The following ABCA1 variants were observed in gnomAD, a reference collection of about 807,000 sequenced individuals.
ABCA1 encodes the protein phospholipid-transporting ATPase ABCA1.
Under a neutral mutation model 262.5 loss-of-function variants are expected in ABCA1, and 133 were observed. That is an observed-to-expected ratio of 0.51 (90% confidence interval 0.44 to 0.59). ABCA1 has a LOEUF of 0.59. Among genes scored for constraint, ABCA1 ranks in the 20% least tolerant of loss-of-function variants. The probability of loss-of-function intolerance (pLI) is 0.00; values close to 1 mark genes in which losing one functional copy is unlikely to be tolerated. For synonymous variants in ABCA1, 1,022 were observed against 1,043.5 expected (o/e 0.98, Z 0.40); for missense variants, 2,452 against 2,777.5 (o/e 0.88, Z 2.63).
chr9:104,807,881 T>C (rs1564107139), intron 30 of ABCA1, among the ~76,000 whole-genome samples: 3 of 133,392 alleles, frequency 2.2e-5, no homozygotes, highest in Admixed American at 7.5e-5. Context: ...CACACATATA[T>C]ATATTATAAA....
At position 104,889,271 on chromosome 9, in the gene ABCA1, T is replaced by A; in HGVS notation, c.67-76A>T. 3 of 1,555,146 alleles carry A rather than the reference T, an allele frequency of 1.9e-6. No homozygotes were observed. In the South Asian group the frequency reaches 3.5e-5, roughly 18 times the overall value. ...TCCAATGCCACTGGGATCTGGGAAA[T>A]CCACAGACAACTTCATTTACTAATT... is the stretch of plus-strand genomic sequence containing the variant. On this transcript the variant is annotated intron_variant, in intron 2 of 49. Transcript: ENST00000374736.
chr9:104,797,053 C>A (rs1829961890), intron 37 of ABCA1, among the ~76,000 whole-genome samples: 2 of 152,204 alleles, frequency 1.3e-5, no homozygotes, highest in South Asian at 4.1e-4. Flanking sequence ...GACTACAGGG[C>A]TCTGCCTCAG....
intron 5 of ABCA1, among the ~76,000 whole-genome samples, chr9:104,868,220 G>A (rs556167172): frequency 1.1e-4 from 17 of 152,270 alleles, no homozygotes; most frequent in South Asian, 2.1e-4. Context: ...TTAGCCGGGT[G>A]TGGTGGCGCA....
Position 104,825,967 on chromosome 9 carries a change from G to C in ABCA1, c.2338-80C>G. ...ATCTCTTCTAGTGTAAATTATACCT[G>C]GAGAAATTTGAATTTGCAAAATGGA... is the stretch of plus-strand genomic sequence containing the variant. On this transcript the variant is annotated intron_variant, in intron 16 of 49. Transcript: ENST00000374736. 6.7e-6 allele frequency: 10 copies of C among 1,490,524 alleles called. No homozygotes were observed. The South Asian group carries it at 1.1e-4, about 16-fold the overall frequency. 92.3% of individuals were successfully genotyped at this position (1,490,524 alleles called of 1,614,324 possible). A position where few individuals can be genotyped will look rare whatever the true frequency, so the allele number is the denominator to read the frequency against.
chr9:104,818,823 A>G lies in ABCA1; in HGVS notation c.3302T>C (p.Ile1101Thr), dbSNP rs777265666. The G allele has an allele frequency of 6.8e-6, 11 of 1,613,960 alleles. No individual in the cohort carries two copies. The highest frequency in any genetic ancestry group is 1.3e-5 in the African/African-American group (1 of 74,916). ...MDEADVLGDR[I>T]AIISHGKLCC... ...CAGCTTCCCATGGGAGATGATGGCA[A>G]TCCTGTCCCCCAGGACGTCCGCTTC... is the stretch of plus-strand genomic sequence containing the variant. The change falls in exon 23 of 50, where the codon ATT becomes ACT. Residue 1101 changes from isoleucine to threonine, a missense_variant. Coordinates refer to ENST00000374736, the MANE Select transcript of ABCA1 (RefSeq NM_005502.4).
intron 5 of ABCA1, among the ~76,000 whole-genome samples, chr9:104,867,757 T>C (rs1362784690): frequency 1.3e-5 from 2 of 152,198 alleles, no homozygotes; most frequent in African/African-American, 4.8e-5. Context: ...CAAGGATGGA[T>C]ATAGGTGGAA....
intron 1 of ABCA1, among the ~76,000 whole-genome samples, chr9:104,909,614 ACAC>A (rs1841376708): frequency 1.2e-3 from 69 of 57,054 alleles, no homozygotes; most frequent in African/African-American, 4.7e-3. Context: ...AAATACACAC[ACAC>A]ACACACACAC....
chr9:104,826,757 G>C (rs577963124), intron 16 of ABCA1, among the ~76,000 whole-genome samples, 191 bp downstream of exon 16: 54 of 152,294 alleles, frequency 3.5e-4, no homozygotes, highest in African/African-American at 1.2e-3. Context: ...TCACTGAGAA[G>C]ACTAAAGGTA....
intron 7 of ABCA1, chr9:104,855,920 G>A: frequency 6.2e-7 from 1 of 1,612,836 alleles, no homozygotes; most frequent in Non-Finnish European, 8.5e-7. Context: ...AAGGAGAAAT[G>A]TTTCAAAATA....
chr9:104,892,031 T>A (rs1441230961), intron 2 of ABCA1, among the ~76,000 whole-genome samples: 1 of 148,816 alleles, frequency 6.7e-6, no homozygotes, highest in Non-Finnish European at 1.5e-5. Context: ...CTTTTCTAAA[T>A]TTTCCACAAT....
At chr9:104,846,382 C>T (rs1834883773) in intron 7 of ABCA1, among the ~76,000 whole-genome samples, 1 of 152,186 alleles carries the variant, frequency 6.6e-6, no homozygotes, top group Non-Finnish European at 1.5e-5. Context: ...AGGGAAAATC[C>T]ACCTTTCTTG....
In ABCA1 at chr9:104,875,074, A is replaced by G. The variant is rs1031189611; in HGVS notation, c.421+7965T>C. ...AGGGGGAAATGTGGGGAAAAGATAG[A>G]GAAATCAGATTGTTGCTGTGTCTGT... is the stretch of plus-strand genomic sequence containing the variant. On this transcript the variant is annotated intron_variant, in intron 5 of 49. Coordinates refer to ENST00000374736, the MANE Select transcript of ABCA1 (RefSeq NM_005502.4). Among the ~76,000 whole-genome samples, 8 of 152,290 alleles carry G rather than the reference A, an allele frequency of 5.3e-5. No homozygotes were observed. In the East Asian group the frequency reaches 1.5e-3, roughly 29 times the overall value.
At chr9:104,846,373 G>C (rs114512051) in intron 7 of ABCA1, among the ~76,000 whole-genome samples, 2 of 152,186 alleles carry the variant, frequency 1.3e-5, no homozygotes, top group African/African-American at 4.8e-5. Context: ...AAAGTATCCA[G>C]GGAAAATCCA....
Position 104,814,450 on chromosome 9 carries a change from C to T in ABCA1, c.3764G>A (p.Ser1255Asn), listed in dbSNP as rs1228237473. ...ACCTGAGGTCTCAGCATCCACCCCA[C>T]TCTCTTCGGCCACCTTGAGGAATAT... ...EEIFLKVAEESGVDAETSDGT... is the reference protein window; with the variant it reads ...EEIFLKVAEENGVDAETSDGT... Residue 1255 changes from serine (S) to asparagine (N), a missense_variant, in exon 26 of 50, where the codon AGT (serine) becomes AAT (asparagine). This residue lies in a region of ABCA1 where 665 missense variants were observed against 727.3 expected (regional missense o/e 0.91). Coordinates refer to ENST00000374736, the MANE Select transcript of ABCA1 (RefSeq NM_005502.4). The T allele has an allele frequency of 1.2e-6, 2 of 1,614,226 alleles. No individual in the cohort carries two copies. The highest frequency in any genetic ancestry group is 4.5e-5 in the East Asian group (2 of 44,888).
At chr9:104,792,641 T>A (rs1588208163) in intron 42 of ABCA1, 145 bp downstream of exon 42, 1 of 1,012,606 alleles carries the variant, frequency 9.9e-7, no homozygotes, top group South Asian at 1.5e-5. Flanking sequence ...ATGGTGTTTT[T>A]AAAATAAAAT....
intron 7 of ABCA1, among the ~76,000 whole-genome samples, chr9:104,852,936 TAAC>T (rs2119076989): frequency 6.6e-6 from 1 of 152,260 alleles, no homozygotes; most frequent in African/African-American, 2.4e-5. Flanking sequence ...AGGCTGAAGG[TAAC>T]AACAAGCCCC....
chr9:104,876,836 G>T (rs1407578948), intron 5 of ABCA1, among the ~76,000 whole-genome samples: 1 of 152,216 alleles, frequency 6.6e-6, no homozygotes, highest in African/African-American at 2.4e-5. Context: ...AAGGAAGGAA[G>T]CTTTGGAAGG....
intron 18 of ABCA1, 71 bp downstream of exon 18, chr9:104,824,394 G>A (rs1448818230): frequency 5.6e-6 from 9 of 1,604,718 alleles, no homozygotes; most frequent in African/African-American, 2.7e-5. Flanking sequence ...AGGAGACATC[G>A]CTTGCCCCCA....
At position 104,781,057 on chromosome 9, in the gene ABCA1, A is replaced by G. The variant is rs1003376702; in HGVS notation, c.*3258T>C. The G allele has an allele frequency of 6.6e-6, 1 of 152,640 alleles. No individual in the cohort carries two copies. Among genetic ancestry groups the G allele is most frequent in the Non-Finnish European group, 1.5e-5 (1 of 68,042 alleles). The allele number at this position is 152,640 out of a possible 1,614,324, so 9.5% of individuals were successfully genotyped here. A position where few individuals can be genotyped will look rare whatever the true frequency, so the allele number is the denominator to read the frequency against. ...TTATTTTGTGACTCATTATATTACA[A>G]CATAGAAATATGCATTTTAATACTT... On this transcript the variant is annotated 3_prime_UTR_variant, in exon 50 of 50. Transcript: ENST00000374736.
Sources: gnomAD v4.1 joint callset for allele counts (sites outside exome capture counted in the v4.1 genomes callset) on GRCh38, gnomAD v4.1.1 for gene constraint, gnomAD v4.1.1 regional missense constraint, MANE v1.5 for transcripts, NCBI Gene and HGNC (gene_info 2026-07-23, HGNC 2026-07-21) for gene names.